The following IGF1R variants were observed in gnomAD, a reference collection of about 807,000 sequenced individuals.
IGF1R encodes the protein insulin like growth factor 1 receptor.
A neutral mutation model predicts 144.6 loss-of-function variants in IGF1R; 44 were observed. That is an observed-to-expected ratio of 0.30 (90% CI 0.24 to 0.39). The LOEUF (loss-of-function observed/expected upper bound fraction) is 0.39. Among genes scored for constraint, IGF1R ranks in the 10% least tolerant of loss-of-function variants. The probability of loss-of-function intolerance (pLI) is 1.00; values close to 1 mark genes in which losing one functional copy is unlikely to be tolerated. For missense variants in IGF1R, 1,355 were observed against 1,833.7 expected, an observed-to-expected ratio of 0.74 and a Z score of 4.77; for synonymous variants, 795 against 722.8, an observed-to-expected ratio of 1.10 and a Z score of -1.60.
intron 20 of IGF1R, 68 bp downstream of exon 20, chr15:98,948,776 C>G: frequency 6.4e-7 from 1 of 1,559,358 alleles, no homozygotes; most frequent in East Asian, 2.2e-5. Flanking sequence ...TCTTGGGTCA[C>G]AGGAGATTAG....
intron 2 of IGF1R, among the ~76,000 whole-genome samples, chr15:98,838,639 T>G (rs1306547177): frequency 6.6e-6 from 1 of 152,220 alleles, no homozygotes; most frequent in African/African-American, 2.4e-5. Context: ...CAGGCTGATC[T>G]AATCAGGGTA....
intron 2 of IGF1R, among the ~76,000 whole-genome samples, chr15:98,834,696 G>A (rs537334397): frequency 1.9e-4 from 29 of 152,318 alleles, no homozygotes; most frequent in Admixed American, 1.4e-3. Context: ...CGAGCCAAGC[G>A]AAGTGGTCCT....
At chr15:98,749,712 C>A (rs2054958231) in intron 2 of IGF1R, among the ~76,000 whole-genome samples, 1 of 152,152 alleles carries the variant, frequency 6.6e-6, no homozygotes. Flanking sequence ...TTCTGTAATC[C>A]TATCATCCCA....
rs760539920 is a variant in IGF1R at position 98,649,421 on chromosome 15, G to GCGC, written c.-156_-154dup. Reference sequence around the variant, plus strand: ...TCCGCGCACCCGGAGGGCCCCGGCGGCGCCGCCTTCGGAGTATTGTTTCCT... The same window carrying GCGC: ...TCCGCGCACCCGGAGGGCCCCGGCGGCGCCGCCGCCTTCGGAGTATTGTTTCCT... On this transcript the variant is annotated 5_prime_UTR_variant, in exon 1 of 21. Coordinates refer to ENST00000650285, the MANE Select transcript of IGF1R (RefSeq NM_000875.5). The GCGC allele has an allele frequency of 5.4e-4, 239 of 442,014 alleles. No individual in the cohort carries two copies. Among genetic ancestry groups the GCGC allele is most frequent in the Non-Finnish European group, 5.3e-4 (139 of 262,518 alleles). 27.4% of individuals were successfully genotyped at this position (442,014 alleles called of 1,614,324 possible).
In IGF1R at chr15:98,964,071, G is replaced by A; in HGVS notation, c.*6629G>A. The A allele has an allele frequency of 8.6e-6, 2 of 233,344 alleles. No homozygotes were observed. Among genetic ancestry groups the A allele is most frequent in the Non-Finnish European group, 1.7e-5 (2 of 117,858 alleles). 14.5% of individuals were successfully genotyped at this position (233,344 alleles called of 1,614,324 possible). On this transcript the variant is annotated 3_prime_UTR_variant, in exon 21 of 21. Transcript: ENST00000650285. ...ACACCTGTCTGCTTTCTAAGCCAGT[G>A]AGGTTGAGGTGAGAGGTTTGCCAGA...
At chr15:98,911,758 G>C (rs757992180) in intron 7 of IGF1R, among the ~76,000 whole-genome samples, 2 of 152,142 alleles carry the variant, frequency 1.3e-5, no homozygotes, top group Non-Finnish European at 2.9e-5. Flanking sequence ...GGTCAGTCCA[G>C]ACTCATGAAC....
chr15:98,698,230 G>C (rs980320753), intron 1 of IGF1R, among the ~76,000 whole-genome samples: 47 of 151,650 alleles, frequency 3.1e-4, no homozygotes, highest in African/African-American at 1.1e-3. Context: ...GTGGAGATGG[G>C]GTTTCACCAT....
At chr15:98,839,098 G>A (rs145887026) in intron 2 of IGF1R, among the ~76,000 whole-genome samples, 3 of 152,238 alleles carry the variant, frequency 2.0e-5, no homozygotes, top group Admixed American at 6.5e-5. Context: ...CCTGCTGCCA[G>A]TGAGCTTACA....
At chr15:98,793,879 A>T in intron 2 of IGF1R, among the ~76,000 whole-genome samples, 1 of 152,228 alleles carries the variant, frequency 6.6e-6, no homozygotes, top group East Asian at 1.9e-4. Context: ...ATTCTGAAAT[A>T]CCTGTGTTCG....
chr15:98,687,505 C>T (rs912890466), intron 1 of IGF1R, among the ~76,000 whole-genome samples: 3 of 152,276 alleles, frequency 2.0e-5, no homozygotes, highest in Non-Finnish European at 4.4e-5. Context: ...TAGGCCATTT[C>T]AAGGAGGTTG....
chr15:98,779,550 G>A lies in IGF1R; in HGVS notation c.640+71443G>A, dbSNP rs538658169. Among the ~76,000 whole-genome samples the A allele has an allele frequency of 1.0e-3, 154 of 152,288 alleles. No homozygotes were observed. In the Middle Eastern group the frequency reaches 0.02, roughly 20 times the overall value. ...AAGTTGCTCAGGTTACACCGTCAGC[G>A]GTTTGGACTACTTCAGTTTCAGATA... On this transcript the variant is annotated intron_variant, in intron 2 of 20. Coordinates refer to ENST00000650285, the MANE Select transcript of IGF1R (RefSeq NM_000875.5).
intron 2 of IGF1R, among the ~76,000 whole-genome samples, chr15:98,748,261 G>T (rs1180772818): frequency 1.3e-5 from 2 of 152,164 alleles, no homozygotes; most frequent in African/African-American, 4.8e-5. Flanking sequence ...CAAACACCTG[G>T]GTTCAAGGGA....
At chr15:98,768,315 A>C (rs979908217) in intron 2 of IGF1R, among the ~76,000 whole-genome samples, 2 of 152,174 alleles carry the variant, frequency 1.3e-5, no homozygotes, top group African/African-American at 4.8e-5. Flanking sequence ...ATCAAATTTT[A>C]AAGTAAAAGT....
rs1432443427 is a variant in IGF1R at position 98,891,216 on chromosome 15, T to C, written c.641-109T>C. Reference sequence around the variant, plus strand: ...TTTGCATTGTCTCCTCAATGAGTGATCTGGTGCTGGTGGTAGCAGTGAATG... The same window carrying C: ...TTTGCATTGTCTCCTCAATGAGTGACCTGGTGCTGGTGGTAGCAGTGAATG... On this transcript the variant is annotated intron_variant, in intron 2 of 20. Transcript: ENST00000650285. This position sits in a 1 kb window ranked among gnomAD's most constrained non-coding sequence, Gnocchi z 4.7. The C allele has an allele frequency of 1.0e-6, 1 of 967,980 alleles. No homozygotes were observed. The highest frequency in any genetic ancestry group is 1.6e-5 in the African/African-American group (1 of 62,002). The allele number at this position is 967,980 out of a possible 1,614,324, so 60.0% of individuals were successfully genotyped here.
chr15:98,792,526 G>T (rs778809671), intron 2 of IGF1R, among the ~76,000 whole-genome samples: 1 of 152,272 alleles, frequency 6.6e-6, no homozygotes. Flanking sequence ...TGAATCTGTG[G>T]TTATCTTCAA....
At chr15:98,830,759 A>G (rs1272917334) in intron 2 of IGF1R, among the ~76,000 whole-genome samples, 1 of 152,094 alleles carries the variant, frequency 6.6e-6, no homozygotes, top group Non-Finnish European at 1.5e-5. Flanking sequence ...GTGCGCCACC[A>G]CACCCAGCTA....
At position 98,707,902 on chromosome 15, in the gene IGF1R, A is replaced by G. The variant is rs121912427; in HGVS notation, c.435A>G (p.Lys145=). The G allele has an allele frequency of 2.5e-6, 4 of 1,614,138 alleles. No individual in the cohort carries two copies. In the South Asian group the frequency reaches 3.3e-5, roughly 13 times the overall value. Residue 145 remains lysine, a synonymous_variant, in exon 2 of 21, where the codon AAA becomes AAG. Coordinates refer to ENST00000650285, the MANE Select transcript of IGF1R (RefSeq NM_000875.5). This position sits in a 1 kb window ranked among gnomAD's most constrained non-coding sequence, Gnocchi z 6.7. ...CTCGGGGGGCCATCAGGATTGAGAA[A>G]AATGCTGACCTCTGTTACCTCTCCA... The part of the protein sequence containing the change: ...NITRGAIRIE[K]NADLCYLSTV...
At chr15:98,850,153 G>A (rs1010067258) in intron 2 of IGF1R, among the ~76,000 whole-genome samples, 1 of 152,334 alleles carries the variant, frequency 6.6e-6, no homozygotes, top group East Asian at 1.9e-4. Flanking sequence ...GAATAAGTAA[G>A]TTAGGGTGAT....
intron 2 of IGF1R, among the ~76,000 whole-genome samples, chr15:98,716,248 C>G (rs1488718293): frequency 6.6e-6 from 1 of 152,104 alleles, no homozygotes; most frequent in South Asian, 2.1e-4. Context: ...TGAGGGTTTC[C>G]GTGGTCTGCT....
Sources: allele counts gnomAD v4.1 joint callset (sites outside exome capture counted in the v4.1 genomes callset), GRCh38; gene constraint gnomAD v4.1.1; non-coding constraint Gnocchi (gnomAD v3.1); transcripts MANE v1.5; gene names NCBI Gene and HGNC (gene_info 2026-07-23, HGNC 2026-07-21).